The following SSBP2 variants were observed in gnomAD, a reference collection of about 807,000 sequenced individuals.
SSBP2 encodes single-stranded DNA-binding protein 2.
SSBP2 carries 17 observed loss-of-function variants against 61.8 expected under a neutral mutation model. The ratio of observed to expected loss-of-function variants is 0.28; its 90% CI spans 0.19 to 0.41. The LOEUF (loss-of-function observed/expected upper bound fraction) is 0.41. Ranked by LOEUF, SSBP2 falls within the 10% of genes least tolerant of loss-of-function variation. The pLI is 1.00. For synonymous variants in SSBP2, 139 were observed against 141.3 expected, an observed-to-expected ratio of 0.98 and a Z score of 0.12; for missense variants, 310 against 458.7, an observed-to-expected ratio of 0.68 and a Z score of 2.96.
At chr5:81,657,365 TG>T (rs1750317747) in intron 1 of SSBP2, among the ~76,000 whole-genome samples, 1 of 152,198 alleles carries the variant, frequency 6.6e-6, no homozygotes, top group South Asian at 2.1e-4. Flanking sequence ...ATACATGTGA[TG>T]GGGAAATATA....
intron 5 of SSBP2, among the ~76,000 whole-genome samples, chr5:81,500,909 C>A (rs1014173207): frequency 1.2e-4 from 18 of 151,230 alleles, no homozygotes; most frequent in African/African-American, 4.4e-4. Flanking sequence ...TTTCTGAATC[C>A]CCATTTAAAA....
intron 4 of SSBP2, among the ~76,000 whole-genome samples, chr5:81,606,681 CTT>C (rs1744910770): frequency 6.6e-6 from 1 of 152,180 alleles, no homozygotes. Context: ...TCCCAATCCT[CTT>C]TAGCCTTCCC....
At chr5:81,637,087 G>A (rs1464492436) in intron 2 of SSBP2, among the ~76,000 whole-genome samples, 2 of 152,332 alleles carry the variant, frequency 1.3e-5, no homozygotes, top group Non-Finnish European at 2.9e-5. Context: ...AGTGATAATA[G>A]CTGTGACAAT....
intron 4 of SSBP2, among the ~76,000 whole-genome samples, chr5:81,515,352 T>C (rs776468926): frequency 4.5e-4 from 68 of 152,004 alleles, no homozygotes; most frequent in Admixed American, 1.6e-3. Context: ...AACTGCAGAA[T>C]AGAAAATTGT....
chr5:81,467,694 A>G (rs1016493515), intron 8 of SSBP2, among the ~76,000 whole-genome samples: 3 of 152,006 alleles, frequency 2.0e-5, no homozygotes, highest in African/African-American at 7.2e-5. Context: ...AGATTAGTTT[A>G]GTTGCCATAG....
chr5:81,516,789 G>A (rs542185908), intron 4 of SSBP2, among the ~76,000 whole-genome samples: 1 of 151,070 alleles, frequency 6.6e-6, no homozygotes, highest in African/African-American at 2.5e-5. Flanking sequence ...AAACTGTAAG[G>A]TAAATAAGAA....
At chr5:81,609,604 T>A (rs1745245225) in intron 4 of SSBP2, among the ~76,000 whole-genome samples, 1 of 152,136 alleles carries the variant, frequency 6.6e-6, no homozygotes. Context: ...ATGATAGAAG[T>A]GACAGTGCAT....
intron 1 of SSBP2, among the ~76,000 whole-genome samples, chr5:81,730,129 C>A (rs1756156944): frequency 1.3e-5 from 2 of 152,146 alleles, no homozygotes; most frequent in Admixed American, 1.3e-4. Context: ...TGAGGGATTT[C>A]TATCCTGTTT....
intron 9 of SSBP2, among the ~76,000 whole-genome samples, chr5:81,464,758 G>T (rs1369149836): frequency 6.6e-6 from 1 of 152,090 alleles, no homozygotes; most frequent in Admixed American, 6.5e-5. Flanking sequence ...AAGACAGAGC[G>T]TAAGGTAACA....
At chr5:81,559,661 C>G (rs1348721398) in intron 4 of SSBP2, among the ~76,000 whole-genome samples, 1 of 152,034 alleles carries the variant, frequency 6.6e-6, no homozygotes, top group Non-Finnish European at 1.5e-5. Flanking sequence ...AATTTGCCTT[C>G]TTATAAAAGT....
intron 4 of SSBP2, among the ~76,000 whole-genome samples, chr5:81,559,080 C>A (rs1561539014): frequency 6.6e-6 from 1 of 152,102 alleles, no homozygotes; most frequent in Admixed American, 6.5e-5. Context: ...ATGGCGAAAT[C>A]CCATCTCTAC....
chr5:81,429,998 T>C (rs1762190101), intron 15 of SSBP2, among the ~76,000 whole-genome samples: 2 of 152,150 alleles, frequency 1.3e-5, no homozygotes, highest in Non-Finnish European at 2.9e-5. Context: ...TGACAAATTT[T>C]TCTCTGAAAA....
chr5:81,544,487 G>A (rs570352015), intron 4 of SSBP2, among the ~76,000 whole-genome samples: 9 of 152,060 alleles, frequency 5.9e-5, no homozygotes, highest in Non-Finnish European at 7.4e-5. Context: ...CTTGAACTTC[G>A]CCTAAACATG....
intron 1 of SSBP2, among the ~76,000 whole-genome samples, chr5:81,713,403 T>C (rs1754937232): frequency 6.6e-6 from 1 of 151,754 alleles, no homozygotes; most frequent in Non-Finnish European, 1.5e-5. Flanking sequence ...GGTCTTATTA[T>C]TACTAAAAAA....
At chr5:81,504,123 C>A (rs1768001544) in intron 5 of SSBP2, among the ~76,000 whole-genome samples, 1 of 152,102 alleles carries the variant, frequency 6.6e-6, no homozygotes, top group South Asian at 2.1e-4. Context: ...ACATGTACCC[C>A]TGAATCTAAA....
intron 14 of SSBP2, among the ~76,000 whole-genome samples, chr5:81,438,348 CAA>C (rs11303330): frequency 1.1e-3 from 113 of 104,742 alleles, no homozygotes; most frequent in African/African-American, 1.4e-3. Flanking sequence ...GAGACTGTCT[CAA>C]AAAAAAAAAA....
intron 4 of SSBP2, among the ~76,000 whole-genome samples, chr5:81,594,831 A>G (rs1007466583): frequency 3.5e-4 from 54 of 152,190 alleles, no homozygotes; most frequent in African/African-American, 1.2e-3. Context: ...TCTCTGGGAC[A>G]CATTCAAAGC....
At chr5:81,652,572 G>A (rs1450864659) in intron 1 of SSBP2, among the ~76,000 whole-genome samples, 8 of 152,112 alleles carry the variant, frequency 5.3e-5, no homozygotes, top group Non-Finnish European at 1.0e-4. Context: ...ATCCGGCTGA[G>A]AAAACCTATC....
chr5:81,522,359 T>C (rs757772541), intron 4 of SSBP2, among the ~76,000 whole-genome samples: 1 of 152,032 alleles, frequency 6.6e-6, no homozygotes, highest in African/African-American at 2.4e-5. Flanking sequence ...GGTGAATAAA[T>C]AGTATTAGCT....
Sources: gnomAD v4.1 joint callset for allele counts (sites outside exome capture counted in the v4.1 genomes callset) on GRCh38, gnomAD v4.1.1 for gene constraint, MANE v1.5 for transcripts, NCBI Gene and HGNC (gene_info 2026-07-23, HGNC 2026-07-21) for gene names.